DPYSL2: variants seen among roughly 807,000 people sequenced by gnomAD.
The protein encoded by DPYSL2 is dihydropyrimidinase-related protein 2.
In DPYSL2, 13 loss-of-function variants were observed where a neutral mutation model predicts 69.9. The ratio of observed to expected loss-of-function variants is 0.19; its 90% CI spans 0.12 to 0.30. The LOEUF (loss-of-function observed/expected upper bound fraction) is 0.30, where lower values mean the gene tolerates loss of function less well. DPYSL2 is among the 10% of genes least tolerant of loss of function. DPYSL2 has a pLI of 1.00. For synonymous variants in DPYSL2, 326 were observed against 359.1 expected, an observed-to-expected ratio of 0.91 and a Z score of 1.04; for missense variants, 587 against 918.9, an observed-to-expected ratio of 0.64 and a Z score of 4.67.
intron 3 of DPYSL2, among the ~76,000 whole-genome samples, chr8:26,623,174 T>C (rs1802536470): frequency 1.3e-5 from 2 of 152,148 alleles, no homozygotes; most frequent in African/African-American, 4.8e-5. Context: ...CAGGTAGATA[T>C]TTTAGGAGCT....
intron 7 of DPYSL2, among the ~76,000 whole-genome samples, chr8:26,634,351 GC>G (rs1802848753): frequency 6.6e-6 from 1 of 151,324 alleles, no homozygotes; most frequent in Admixed American, 6.6e-5. Flanking sequence ...TGCCACCTCT[GC>G]CTGCTGGGTT....
chr8:26,594,665 T>A (rs572326823), intron 3 of DPYSL2, among the ~76,000 whole-genome samples: 4 of 152,330 alleles, frequency 2.6e-5, no homozygotes, highest in Admixed American at 6.5e-5. Flanking sequence ...TTCTAATCTA[T>A]CTGTATATAT....
intron 4 of DPYSL2, among the ~76,000 whole-genome samples, chr8:26,625,737 A>C (rs956639545): frequency 5.3e-5 from 8 of 152,250 alleles, no homozygotes; most frequent in African/African-American, 1.9e-4. Context: ...ACAGTTCTTC[A>C]TAGGCAGAAA....
chr8:26,550,193 C>A (rs1479377298), intron 1 of DPYSL2, among the ~76,000 whole-genome samples: 2 of 152,106 alleles, frequency 1.3e-5, no homozygotes, highest in East Asian at 1.9e-4. Context: ...TGTGCATCAC[C>A]TGCGATGAAG....
At chr8:26,599,080 G>A (rs1282168817) in intron 3 of DPYSL2, among the ~76,000 whole-genome samples, 1 of 152,210 alleles carries the variant, frequency 6.6e-6, no homozygotes, top group African/African-American at 2.4e-5. Flanking sequence ...TCATTCCATG[G>A]CAAGTCCTTT....
At chr8:26,608,246 A>G (rs1345523882) in intron 3 of DPYSL2, among the ~76,000 whole-genome samples, 1 of 152,226 alleles carries the variant, frequency 6.6e-6, no homozygotes, top group Admixed American at 6.5e-5. Flanking sequence ...TAAAAAGTGT[A>G]TATGTGTATA....
intron 1 of DPYSL2, among the ~76,000 whole-genome samples, chr8:26,577,670 C>T (rs1407315508): frequency 6.0e-5 from 9 of 151,062 alleles, no homozygotes; most frequent in African/African-American, 1.9e-4. Flanking sequence ...CGCCTGGGGC[C>T]GCCGCCAAAC....
At position 26,627,377 on chromosome 8, in the gene DPYSL2, C is replaced by A; in HGVS notation, c.936+82C>A. On this transcript the variant is annotated intron_variant, in intron 6 of 13. Coordinates refer to ENST00000521913, the MANE Select transcript of DPYSL2 (RefSeq NM_001197293.3). This position sits in a 1 kb window ranked among gnomAD's most constrained non-coding sequence, Gnocchi z 6.9. The stretch of plus-strand genomic sequence containing the variant: ...CAAGAAAGGGAAGCTGCATCTGTAG[C>A]TTAACACCAAGGTGGAAAAGCAGAG... 7.0e-7 allele frequency: 1 copy of A among 1,428,272 alleles called. No individual in the cohort carries two copies. The highest frequency in any genetic ancestry group is 9.8e-7 in the Non-Finnish European group (1 of 1,016,358). 88.5% of individuals were successfully genotyped at this position (1,428,272 alleles called of 1,614,324 possible). A position where few individuals can be genotyped will look rare whatever the true frequency, so the allele number is the denominator to read the frequency against.
rs1308192798 is a variant in DPYSL2, at chr8:26,533,748, G to A, written c.354+19069G>A. Among the ~76,000 whole-genome samples, 1 of 152,254 alleles carries A rather than the reference G, an allele frequency of 6.6e-6. No individual in the cohort carries two copies. Among genetic ancestry groups the A allele is most frequent in the East Asian group, 1.9e-4 (1 of 5,202 alleles). ...GACCACAGCTGTCAAATGTTCTCAG[G>A]TGAAGAGGTTGAGAGGACTCCTGGA... On this transcript the variant is annotated intron_variant, in intron 1 of 13. Coordinates refer to ENST00000521913, the MANE Select transcript of DPYSL2 (RefSeq NM_001197293.3). This position sits in a 1 kb window ranked among gnomAD's most constrained non-coding sequence, Gnocchi z 4.8.
chr8:26,531,532 A>C (rs1563376694), intron 1 of DPYSL2, among the ~76,000 whole-genome samples: 1 of 152,214 alleles, frequency 6.6e-6, no homozygotes, highest in South Asian at 2.1e-4. Flanking sequence ...TGTTGGAGCC[A>C]TCTAGAGCTG....
chr8:26,576,178 T>G (rs866598777), intron 1 of DPYSL2, among the ~76,000 whole-genome samples: 2 of 152,220 alleles, frequency 1.3e-5, no homozygotes, highest in African/African-American at 2.4e-5. Flanking sequence ...TTCAGATTTT[T>G]AGAGATATAG....
At chr8:26,534,861 G>C (rs1225294596) in intron 1 of DPYSL2, among the ~76,000 whole-genome samples, 1 of 152,014 alleles carries the variant, frequency 6.6e-6, no homozygotes, top group East Asian at 1.9e-4. Flanking sequence ...TCTAACTCCT[G>C]ACCTCAAGTA....
chr8:26,617,616 C>G lies in DPYSL2; in HGVS notation c.629-6527C>G, dbSNP rs1304199448. On this transcript the variant is annotated intron_variant, in intron 3 of 13. Transcript: ENST00000521913. The surrounding 1 kb of genome is among the most constrained non-coding windows in gnomAD (Gnocchi z 4.7). ...CAGCTTATTTACTTTGTGTCTCACACTTTGCTAATATCCAAAATGCAGAAC... is the reference window on the plus strand; with the variant it reads ...CAGCTTATTTACTTTGTGTCTCACAGTTTGCTAATATCCAAAATGCAGAAC... Among the ~76,000 whole-genome samples the G allele has an allele frequency of 6.6e-6, 1 of 152,230 alleles. No homozygotes were observed. The highest frequency in any genetic ancestry group is 1.5e-5 in the Non-Finnish European group (1 of 68,042).
rs1332314471 is a variant in DPYSL2 at position 26,624,339 on chromosome 8, A to T, written c.793+32A>T. 3 of 1,606,890 alleles carry T rather than the reference A, an allele frequency of 1.9e-6. No individual in the cohort carries two copies. The Admixed American group carries it at 5.0e-5, about 27-fold the overall frequency. On this transcript the variant is annotated intron_variant, in intron 4 of 13. Transcript: ENST00000521913. This position sits in a 1 kb window ranked among gnomAD's most constrained non-coding sequence, Gnocchi z 4.7. Reference sequence around the variant, plus strand: ...TGCACTGAGTCAATGCCCTCTGCAGATGTTTCCGCTTCAGTCCATCAACTG... The same window carrying T: ...TGCACTGAGTCAATGCCCTCTGCAGTTGTTTCCGCTTCAGTCCATCAACTG...
intron 3 of DPYSL2, among the ~76,000 whole-genome samples, chr8:26,596,457 G>A (rs1801863688): frequency 6.6e-6 from 1 of 152,240 alleles, no homozygotes; most frequent in Non-Finnish European, 1.5e-5. Flanking sequence ...AGCTCGGGAA[G>A]GGGATGACCC....
intron 1 of DPYSL2, chr8:26,578,555 ATC>A: frequency 4.3e-6 from 6 of 1,381,404 alleles, no homozygotes; most frequent in Non-Finnish European, 5.6e-6. Flanking sequence ...GACCCGGTCT[ATC>A]TTTTATTGTC....
chr8:26,566,260 G>A (rs141351144), intron 1 of DPYSL2, among the ~76,000 whole-genome samples: 123 of 152,258 alleles, frequency 8.1e-4, no homozygotes, highest in African/African-American at 2.7e-3. Context: ...AGGAGGACCC[G>A]GGGTATGAAC....
intron 1 of DPYSL2, among the ~76,000 whole-genome samples, chr8:26,535,637 T>TA (rs199796205): frequency 0.05 from 7,158 of 143,984 alleles, 221 homozygotes; most frequent in Middle Eastern, 0.12. Context: ...ATATATATAT[T>TA]TTTTTTTTCA....
At position 26,587,659 on chromosome 8, in the gene DPYSL2, C is replaced by T. The variant is rs1006366129; in HGVS notation, c.628+3676C>T. On this transcript the variant is annotated intron_variant, in intron 3 of 13. Coordinates refer to ENST00000521913, the MANE Select transcript of DPYSL2 (RefSeq NM_001197293.3). The surrounding 1 kb of genome is among the most constrained non-coding windows in gnomAD (Gnocchi z 4.2). ...CAATGAGATCTTTATGAGGCGGACTCAGTGTGGAGCAGGGGGAACGCCCTT... is the reference window on the plus strand; with the variant it reads ...CAATGAGATCTTTATGAGGCGGACTTAGTGTGGAGCAGGGGGAACGCCCTT... Among the ~76,000 whole-genome samples the T allele has an allele frequency of 4.6e-5, 7 of 152,220 alleles. No individual in the cohort carries two copies. Among genetic ancestry groups the T allele is most frequent in the Non-Finnish European group, 1.0e-4 (7 of 68,040 alleles).
Sources: allele counts gnomAD v4.1 joint callset (sites outside exome capture counted in the v4.1 genomes callset), GRCh38; gene constraint gnomAD v4.1.1; non-coding constraint Gnocchi (gnomAD v3.1); transcripts MANE v1.5; gene names NCBI Gene and HGNC (gene_info 2026-07-23, HGNC 2026-07-21).